Variants in TBXA2R observed in about 807,000 individuals in gnomAD.
The protein encoded by TBXA2R is thromboxane A2 receptor.
A neutral mutation model predicts 15.6 loss-of-function variants in TBXA2R; 15 were observed. The observed-to-expected ratio is 0.96, with a 90% CI of 0.64 to 1.48. The LOEUF is 1.48. Among genes scored for constraint, TBXA2R ranks in the 40% most tolerant of loss-of-function variants. TBXA2R has a pLI of 0.00. For missense variants in TBXA2R, 506 were observed against 491.4 expected, an observed-to-expected ratio of 1.03 and a Z score of -0.28; for synonymous variants, 280 against 241.2, an observed-to-expected ratio of 1.16 and a Z score of -1.49.
Position 3,594,955 on chromosome 19 carries a change from C to T in TBXA2R, c.*733G>A. On this transcript the variant is annotated 3_prime_UTR_variant, in exon 3 of 3. Coordinates refer to ENST00000375190, the MANE Select transcript of TBXA2R (RefSeq NM_001060.6). ...CAAGGCCGGGCGCAGTGGCTTACGC[C>T]TGTAATCCCAGCTGCTCGGGAGGCT... 6.5e-7 allele frequency: 1 copy of T among 1,535,596 alleles called. No homozygotes were observed. Among genetic ancestry groups the T allele is most frequent in the Non-Finnish European group, 8.7e-7 (1 of 1,146,506 alleles).
chr19:3,595,454 G>T lies in TBXA2R; in HGVS notation c.*234C>A. 3 of 1,416,410 alleles carry T rather than the reference G, an allele frequency of 2.1e-6. No homozygotes were observed. The highest frequency in any genetic ancestry group is 1.4e-5 in the African/African-American group (1 of 69,610). The allele number at this position is 1,416,410 out of a possible 1,614,324, so 87.7% of individuals were successfully genotyped here. On this transcript the variant is annotated 3_prime_UTR_variant, in exon 3 of 3. Coordinates refer to ENST00000375190, the MANE Select transcript of TBXA2R (RefSeq NM_001060.6). ...CTGGGGTTGGGAGGGACGCAGAGAAGGGGTGGGAGCTCTGGATGGGAAAAA... is the reference window on the plus strand; with the variant it reads ...CTGGGGTTGGGAGGGACGCAGAGAATGGGTGGGAGCTCTGGATGGGAAAAA...
At chr19:3,597,217 C>T (rs2032620942) in intron 2 of TBXA2R, among the ~76,000 whole-genome samples, 1 of 151,644 alleles carries the variant, frequency 6.6e-6, no homozygotes, top group Non-Finnish European at 1.5e-5. Flanking sequence ...GCTGGGATTA[C>T]AGGCATGAGC....
rs929957553 is a variant in TBXA2R at position 3,600,458 on chromosome 19, C to G, written c.177G>C (p.Thr59=). The G allele has an allele frequency of 3.7e-6, 6 of 1,612,690 alleles. No homozygotes were observed. In the Admixed American group the frequency reaches 5.0e-5, roughly 13 times the overall value. The change falls in exon 2 of 3, where the codon ACG becomes ACC. Residue 59 remains threonine, a synonymous_variant. Coordinates refer to ENST00000375190, the MANE Select transcript of TBXA2R (RefSeq NM_001060.6). ...LAGARQGGSH[T]RSSFLTFLCG... Reference sequence around the variant, plus strand: ...AGAGGAAGGTGAGGAAGGAGGAGCGCGTGTGCGAACCCCCCTGCCGCGCGC... The same window carrying G: ...AGAGGAAGGTGAGGAAGGAGGAGCGGGTGTGCGAACCCCCCTGCCGCGCGC...
chr19:3,595,212 C>T lies in TBXA2R; in HGVS notation c.*476G>A, dbSNP rs2032573473. The T allele has an allele frequency of 1.6e-6, 1 of 639,768 alleles. No homozygotes were observed. Among genetic ancestry groups the T allele is most frequent in the Non-Finnish European group, 2.4e-6 (1 of 413,568 alleles). 39.6% of individuals were successfully genotyped at this position (639,768 alleles called of 1,614,324 possible). On this transcript the variant is annotated 3_prime_UTR_variant, in exon 3 of 3. Transcript: ENST00000375190. ...TGGCCAACACGGTGAAACCCCGTCT[C>T]TACTAAAAATACAAAAATTAGCCGG...
Position 3,594,684 on chromosome 19 carries a change from TC to T in TBXA2R, c.*1003del. On this transcript the variant is annotated 3_prime_UTR_variant, in exon 3 of 3. Coordinates refer to ENST00000375190, the MANE Select transcript of TBXA2R (RefSeq NM_001060.6). ...TGGGGGAGGAACCGAATCCTCTATG[TC>T]CCTCCCCATCCTTCCCAGCCCTGCC... 1.6e-6 allele frequency: 1 copy of T among 617,136 alleles called. No individual in the cohort carries two copies. 38.2% of individuals were successfully genotyped at this position (617,136 alleles called of 1,614,324 possible). A position where few individuals can be genotyped will look rare whatever the true frequency, so the allele number is the denominator to read the frequency against.
In TBXA2R at chr19:3,599,964, T is replaced by C. The variant is rs1204353375; in HGVS notation, c.671A>G (p.His224Arg). 1 of 1,587,788 alleles carries C rather than the reference T, an allele frequency of 6.3e-7. No individual in the cohort carries two copies. Among genetic ancestry groups the C allele is most frequent in the South Asian group, 1.1e-5 (1 of 87,854 alleles). The change falls in exon 2 of 3, where the codon CAC becomes CGC. Residue 224 changes from histidine (H) to arginine (R), a missense_variant. Transcript: ENST00000375190. Reference protein sequence around the residue: ...LNTVSVATLCHVYHGQEAAQQ... With the variant: ...LNTVSVATLCRVYHGQEAAQQ... ...GGCCGCCTCCTGCCCGTGGTAGACG[T>C]GGCACAGGGTGGCCACGCTGACCGT...
Position 3,600,206 on chromosome 19 carries a change from G to A in TBXA2R, c.429C>T (p.Val143=), listed in dbSNP as rs34604531. 1.2e-3 allele frequency: 1,928 copies of A among 1,601,448 alleles called. 16 individuals are homozygous for A. In the African/African-American group the frequency reaches 0.023, roughly 19 times the overall value. The change falls in exon 2 of 3, where the codon GTC becomes GTT. Residue 143 remains valine, a synonymous_variant. Transcript: ENST00000375190. ...TGGCCCAGGCGCGGCGCTGCGAGGC[G>A]ACCGCCGGGCGCGAGAAGGGCCGGG... ...GITRPFSRPA[V]ASQRRAWATV...
chr19:3,595,248 G>C lies in TBXA2R; in HGVS notation c.*440C>G. The stretch of plus-strand genomic sequence containing the variant: ...ACAAAAATTAGCCGGGCGTGGTGGC[G>C]CGCGCCTATAGTCCCAGCTACTCAG... On this transcript the variant is annotated 3_prime_UTR_variant, in exon 3 of 3. Coordinates refer to ENST00000375190, the MANE Select transcript of TBXA2R (RefSeq NM_001060.6). The C allele has an allele frequency of 1.3e-6, 1 of 762,044 alleles. No individual in the cohort carries two copies. Among genetic ancestry groups the C allele is most frequent in the Non-Finnish European group, 1.9e-6 (1 of 537,870 alleles). 47.2% of individuals were successfully genotyped at this position (762,044 alleles called of 1,614,324 possible).
intron 2 of TBXA2R, among the ~76,000 whole-genome samples, chr19:3,598,324 T>TTTTC (rs969856427): frequency 4.6e-5 from 7 of 150,966 alleles, no homozygotes; most frequent in Admixed American, 2.0e-4. Context: ...TTTTCTTTTC[T>TTTTC]TTTCTTTCTT....
intron 1 of TBXA2R, among the ~76,000 whole-genome samples, chr19:3,601,709 C>T (rs2032741930): frequency 1.3e-5 from 2 of 150,824 alleles, no homozygotes; most frequent in Admixed American, 1.3e-4. Context: ...GGTGGATCAT[C>T]TGAGGTCAGG....
intron 1 of TBXA2R, among the ~76,000 whole-genome samples, chr19:3,603,521 G>A (rs1412554379): frequency 4.6e-5 from 7 of 152,180 alleles, no homozygotes; most frequent in Non-Finnish European, 8.8e-5. Context: ...TCGAGAGCTG[G>A]TATGTGCTGT....
At position 3,596,001 on chromosome 19, in the gene TBXA2R, G is replaced by C; in HGVS notation, c.787-68C>G. 3 of 1,539,014 alleles carry C rather than the reference G, an allele frequency of 1.9e-6. No homozygotes were observed. In the South Asian group the frequency reaches 3.6e-5, roughly 18 times the overall value. On this transcript the variant is annotated intron_variant, in intron 2 of 2. Coordinates refer to ENST00000375190, the MANE Select transcript of TBXA2R (RefSeq NM_001060.6). ...CCCGCCCGCCCCGGTCCCTGCCCGGGGTCCCTTGAGATCCAGGGTCCACTC... is the reference window on the plus strand; with the variant it reads ...CCCGCCCGCCCCGGTCCCTGCCCGGCGTCCCTTGAGATCCAGGGTCCACTC...
chr19:3,600,180 G>A lies in TBXA2R; in HGVS notation c.455C>T (p.Thr152Ile). ...CGCGGCCGCCCACACCAGCCCCACGGTGGCCCAGGCGCGGCGCTGCGAGGC... is the reference window on the plus strand; with the variant it reads ...CGCGGCCGCCCACACCAGCCCCACGATGGCCCAGGCGCGGCGCTGCGAGGC... ...AVASQRRAWA[T>I]VGLVWAAALA... The change falls in exon 2 of 3, where the codon ACC becomes ATC. Residue 152 changes from threonine to isoleucine, a missense_variant. Coordinates refer to ENST00000375190, the MANE Select transcript of TBXA2R (RefSeq NM_001060.6). 1.3e-6 allele frequency: 2 copies of A among 1,598,222 alleles called. No homozygotes were observed. The highest frequency in any genetic ancestry group is 1.7e-6 in the Non-Finnish European group (2 of 1,173,404).
Position 3,595,515 on chromosome 19 carries a change from C to T in TBXA2R, c.*173G>A. ...AAGGGAGAGTGCTTGGTAAAAGGAT[C>T]AGGGAGGAGTTGGGGGTCCCCGGGT... On this transcript the variant is annotated 3_prime_UTR_variant, in exon 3 of 3. Coordinates refer to ENST00000375190, the MANE Select transcript of TBXA2R (RefSeq NM_001060.6). 7.0e-7 allele frequency: 1 copy of T among 1,432,852 alleles called. No individual in the cohort carries two copies. Among genetic ancestry groups the T allele is most frequent in the Non-Finnish European group, 9.1e-7 (1 of 1,096,998 alleles). 88.8% of individuals were successfully genotyped at this position (1,432,852 alleles called of 1,614,324 possible). A position where few individuals can be genotyped will look rare whatever the true frequency, so the allele number is the denominator to read the frequency against.
In TBXA2R at chr19:3,594,973, G is replaced by T. The variant is rs201880077; in HGVS notation, c.*715C>A. The stretch of plus-strand genomic sequence containing the variant: ...CTTACGCCTGTAATCCCAGCTGCTC[G>T]GGAGGCTGAGGCACGAGAATCGCTT... On this transcript the variant is annotated 3_prime_UTR_variant, in exon 3 of 3. Transcript: ENST00000375190. 2 of 1,531,318 alleles carry T rather than the reference G, an allele frequency of 1.3e-6. No individual in the cohort carries two copies. The highest frequency in any genetic ancestry group is 1.7e-6 in the Non-Finnish European group (2 of 1,143,472). 94.9% of individuals were successfully genotyped at this position (1,531,318 alleles called of 1,614,324 possible).
Position 3,595,781 on chromosome 19 carries a change from G to A in TBXA2R, c.939C>T (p.Arg313=), listed in dbSNP as rs777588602. The A allele has an allele frequency of 1.9e-6, 3 of 1,610,190 alleles. No individual in the cohort carries two copies. Among genetic ancestry groups the A allele is most frequent in the Admixed American group, 1.7e-5 (1 of 59,584 alleles). The change falls in exon 3 of 3, where the codon CGC becomes CGT. Residue 313 remains arginine (R), a synonymous_variant. Coordinates refer to ENST00000375190, the MANE Select transcript of TBXA2R (RefSeq NM_001060.6). ...LDPWVYILFR[R]AVLRRLQPRL... Reference sequence around the variant, plus strand: ...GAGGCTGGAGACGCCGGAGCACGGCGCGGCGGAACAGGATATACACCCAGG... The same window carrying A: ...GAGGCTGGAGACGCCGGAGCACGGCACGGCGGAACAGGATATACACCCAGG...
chr19:3,594,680 T>C lies in TBXA2R; in HGVS notation c.*1008A>G. ...AAGGTGGGGGAGGAACCGAATCCTCTATGTCCCTCCCCATCCTTCCCAGCC... is the reference window on the plus strand; with the variant it reads ...AAGGTGGGGGAGGAACCGAATCCTCCATGTCCCTCCCCATCCTTCCCAGCC... On this transcript the variant is annotated 3_prime_UTR_variant, in exon 3 of 3. Transcript: ENST00000375190. The C allele has an allele frequency of 1.6e-6, 1 of 608,240 alleles. No homozygotes were observed. Among genetic ancestry groups the C allele is most frequent in the Non-Finnish European group, 2.8e-6 (1 of 357,406 alleles). 37.7% of individuals were successfully genotyped at this position (608,240 alleles called of 1,614,324 possible).
At chr19:3,596,709 G>A (rs894523061) in intron 2 of TBXA2R, among the ~76,000 whole-genome samples, 3 of 150,206 alleles carry the variant, frequency 2.0e-5, no homozygotes, top group Non-Finnish European at 4.4e-5. Flanking sequence ...AGCCTCCCGA[G>A]TAGCTGGGAC....
Position 3,600,335 on chromosome 19 carries a change from A to G in TBXA2R, c.300T>C (p.Pro100=). Residue 100 remains proline, a synonymous_variant, in exon 2 of 3, where the codon CCT becomes CCC. Transcript: ENST00000375190. ...AALFEWHAVD[P]GCRLCRFMGV... ...CCATGAAGCGACAGAGACGGCAGCC[A>G]GGGTCCACGGCGTGCCACTCGAAGA... 1 of 1,613,260 alleles carries G rather than the reference A, an allele frequency of 6.2e-7. No homozygotes were observed. The highest frequency in any genetic ancestry group is 8.5e-7 in the Non-Finnish European group (1 of 1,179,832).
Sources: gnomAD v4.1 joint callset for allele counts (sites outside exome capture counted in the v4.1 genomes callset) on GRCh38, gnomAD v4.1.1 for gene constraint, MANE v1.5 for transcripts, NCBI Gene and HGNC (gene_info 2026-07-23, HGNC 2026-07-21) for gene names.